DCLK1: variants seen among roughly 807,000 people sequenced by gnomAD.
DCLK1 encodes serine/threonine-protein kinase DCLK1.
Under a neutral mutation model 86.2 loss-of-function variants are expected in DCLK1, and 16 were observed. That is an observed-to-expected ratio of 0.19 (90% CI 0.13 to 0.28). The LOEUF is 0.28. Among genes scored for constraint, DCLK1 ranks in the 10% least tolerant of loss-of-function variants. The pLI, the probability that DCLK1 is intolerant of heterozygous loss-of-function variation, is 1.00. For synonymous variants in DCLK1, 369 were observed against 370.5 expected (o/e 1.00, Z 0.05); for missense variants, 590 against 940.2 (o/e 0.63, Z 4.87).
In DCLK1 at chr13:35,944,722, G is replaced by T. The variant is rs954001250; in HGVS notation, c.823+2636C>A. Among the ~76,000 whole-genome samples, 4 of 152,168 alleles carry T rather than the reference G, an allele frequency of 2.6e-5. No homozygotes were observed. In the South Asian group the frequency reaches 8.3e-4, roughly 32 times the overall value. ...TATTTCACACCAAGAAAGGGTTAGG[G>T]TATTATTCATCCAGGGAAGGGATGT... On this transcript the variant is annotated intron_variant, in intron 4 of 16. Coordinates refer to ENST00000360631, the MANE Select transcript of DCLK1 (RefSeq NM_001330071.2).
chr13:36,006,057 C>T (rs1420934907), intron 3 of DCLK1, among the ~76,000 whole-genome samples: 3 of 152,062 alleles, frequency 2.0e-5, no homozygotes, highest in Non-Finnish European at 4.4e-5. Flanking sequence ...GGACAAATAC[C>T]TAATGCATGC....
chr13:35,782,116 T>C (rs936541099), intron 16 of DCLK1, among the ~76,000 whole-genome samples: 1 of 152,152 alleles, frequency 6.6e-6, no homozygotes, highest in Non-Finnish European at 1.5e-5. Flanking sequence ...GGCAAGACTA[T>C]CTTAAATATT....
intron 4 of DCLK1, among the ~76,000 whole-genome samples, chr13:35,944,806 GAGA>G (rs1354276156): frequency 1.3e-5 from 2 of 152,132 alleles, no homozygotes; most frequent in Non-Finnish European, 2.9e-5. Context: ...ACAAAAGATG[GAGA>G]AGGTGTCCTG....
chr13:35,953,137 A>G (rs144617014), intron 3 of DCLK1, among the ~76,000 whole-genome samples: 1 of 152,254 alleles, frequency 6.6e-6, no homozygotes, highest in Non-Finnish European at 1.5e-5. Flanking sequence ...TTCAATATAC[A>G]TGATAACACT....
chr13:35,866,444 AC>A (rs1296146433), intron 5 of DCLK1, among the ~76,000 whole-genome samples: 2 of 144,272 alleles, frequency 1.4e-5, no homozygotes, highest in African/African-American at 5.2e-5. Context: ...TTGGGGGAAA[AC>A]AAAGACTCTT....
intron 4 of DCLK1, among the ~76,000 whole-genome samples, chr13:35,934,852 G>A (rs1053712476): frequency 2.6e-5 from 4 of 152,028 alleles, no homozygotes; most frequent in African/African-American, 9.7e-5. Flanking sequence ...CACTGCAGAG[G>A]TTTCCTGATA....
intron 3 of DCLK1, among the ~76,000 whole-genome samples, chr13:36,037,940 A>G (rs1882567965): frequency 6.6e-6 from 1 of 152,188 alleles, no homozygotes. Flanking sequence ...TATGGCTTAT[A>G]ATGTGTCAGA....
rs544318310 is a variant in DCLK1 at position 35,896,729 on chromosome 13, A to G, written c.824-25389T>C. ...TCGGCCTTGGCAGGATAAGATGAAG[A>G]GGACGCAGTCCCTACCTCAGGTAAA... On this transcript the variant is annotated intron_variant, in intron 4 of 16. Transcript: ENST00000360631. 2.0e-5 allele frequency among the ~76,000 whole-genome samples: 3 copies of G among 152,194 alleles called. 1 individual carries two copies. The South Asian group carries it at 6.2e-4, about 32-fold the overall frequency.
At chr13:36,069,484 T>G (rs967364386) in intron 3 of DCLK1, among the ~76,000 whole-genome samples, 2 of 152,194 alleles carry the variant, frequency 1.3e-5, no homozygotes, top group Admixed American at 1.3e-4. Flanking sequence ...TCAGGCCACT[T>G]GAAAGCAACA....
At chr13:36,063,480 T>C (rs1362084578) in intron 3 of DCLK1, among the ~76,000 whole-genome samples, 2 of 152,142 alleles carry the variant, frequency 1.3e-5, no homozygotes, top group Non-Finnish European at 2.9e-5. Context: ...ACAGTTACTC[T>C]GCTTCTCAGT....
intron 3 of DCLK1, among the ~76,000 whole-genome samples, chr13:35,959,581 G>C (rs1167337039): frequency 6.6e-6 from 1 of 152,120 alleles, no homozygotes; most frequent in South Asian, 2.1e-4. Flanking sequence ...TGATAAAATC[G>C]TGTTTTATAA....
chr13:36,070,815 G>T (rs2153161286), intron 3 of DCLK1, among the ~76,000 whole-genome samples: 1 of 152,042 alleles, frequency 6.6e-6, no homozygotes, highest in South Asian at 2.1e-4. Flanking sequence ...CTAATTTTTT[G>T]TATTTTTAGT....
intron 12 of DCLK1, 78 bp from the exon 13 acceptor site, chr13:35,809,173 C>T: frequency 8.2e-7 from 1 of 1,213,216 alleles, no homozygotes; most frequent in African/African-American, 1.5e-5. Flanking sequence ...CAATGACTTT[C>T]CTCCTCCAAG....
At chr13:35,892,460 AAC>A (rs34341673) in intron 4 of DCLK1, among the ~76,000 whole-genome samples, 16,144 of 152,148 alleles carry the variant, frequency 0.11, 1,069 homozygotes, top group Middle Eastern at 0.17. Flanking sequence ...AATCATCTTT[AAC>A]ACACATAACT....
chr13:35,786,174 C>A (rs1171850837), intron 16 of DCLK1, among the ~76,000 whole-genome samples: 1 of 152,152 alleles, frequency 6.6e-6, no homozygotes, highest in African/African-American at 2.4e-5. Flanking sequence ...TAGTTGGCTA[C>A]GTTTATTAAT....
intron 3 of DCLK1, among the ~76,000 whole-genome samples, chr13:36,001,756 A>G (rs758443697): frequency 2.6e-5 from 4 of 152,208 alleles, no homozygotes; most frequent in Non-Finnish European, 5.9e-5. Context: ...CTTTTAGTTA[A>G]GTTTTTATTT....
intron 3 of DCLK1, among the ~76,000 whole-genome samples, chr13:35,980,313 G>A (rs892378080): frequency 1.3e-5 from 2 of 152,082 alleles, no homozygotes; most frequent in African/African-American, 4.8e-5. Flanking sequence ...AAATTAGCCA[G>A]GTGCAGTAGT....
At chr13:36,011,243 T>C (rs1881252868) in intron 3 of DCLK1, among the ~76,000 whole-genome samples, 4 of 58,894 alleles carry the variant, frequency 6.8e-5, no homozygotes, top group Admixed American at 2.0e-4. Context: ...CTGCTCTGAT[T>C]TTAGTTATTT....
At chr13:35,862,417 C>G (rs1871468122) in intron 5 of DCLK1, among the ~76,000 whole-genome samples, 1 of 152,216 alleles carries the variant, frequency 6.6e-6, no homozygotes, top group South Asian at 2.1e-4. Context: ...TCTTTCGGTT[C>G]TGTCTTGACA....
Sources: gnomAD v4.1 joint callset for allele counts (sites outside exome capture counted in the v4.1 genomes callset) on GRCh38, gnomAD v4.1.1 for gene constraint, MANE v1.5 for transcripts, NCBI Gene and HGNC (gene_info 2026-07-23, HGNC 2026-07-21) for gene names.